The following HEATR4 variants were observed in gnomAD, a reference collection of about 807,000 sequenced individuals.
HEATR4 encodes the protein HEAT repeat-containing protein 4.
A neutral mutation model predicts 108.8 loss-of-function variants in HEATR4; 95 were observed. That is an observed-to-expected ratio of 0.87 (90% CI 0.74 to 1.04). The LOEUF is 1.04. Among genes scored for constraint, HEATR4 ranks in the 50% least tolerant of loss-of-function variants. The pLI is 0.00. For synonymous variants in HEATR4, 443 were observed against 459.4 expected (o/e 0.96, Z 0.46); for missense variants, 1,152 against 1,253.8 (o/e 0.92, Z 1.23).
At chr14:73,495,047 G>A (rs1595088518) in intron 16 of HEATR4, among the ~76,000 whole-genome samples, 181 bp downstream of exon 16, 1 of 117,952 alleles carries the variant, frequency 8.5e-6, no homozygotes, top group Non-Finnish European at 1.8e-5. Context: ...ATAAAAACCC[G>A]AGAAACAAAC....
At chr14:73,527,961 C>CAAA (rs34109465) in intron 2 of HEATR4, among the ~76,000 whole-genome samples, 14 of 52,682 alleles carry the variant, frequency 2.7e-4, no homozygotes, top group African/African-American at 3.6e-4. Flanking sequence ...AACTCCATCT[C>CAAA]AAAAAAAAAA....
rs1314199436 is a variant in HEATR4 at position 73,543,365 on chromosome 14, GACC to G, written c.-151-13124_-151-13122del. On this transcript the variant is annotated intron_variant, in intron 1 of 17. Coordinates refer to ENST00000553558, the MANE Select transcript of HEATR4 (RefSeq NM_001220484.1). Reference sequence around the variant, plus strand: ...CTTCCTGTTCCTGGTAGGTCAGGATGACCACAACTGGAAGAGTGAGTTCTATGC... The same window carrying G: ...CTTCCTGTTCCTGGTAGGTCAGGATGACAACTGGAAGAGTGAGTTCTATGC... 4.2e-6 allele frequency: 6 copies of G among 1,432,052 alleles called. No individual in the cohort carries two copies. The Admixed American group carries it at 7.4e-5, about 18-fold the overall frequency. The allele number at this position is 1,432,052 out of a possible 1,614,324, so 88.7% of individuals were successfully genotyped here.
the HEATR4 span, among the ~76,000 whole-genome samples, chr14:73,621,772 T>C: frequency 1.4e-4 from 21 of 144,892 alleles, no homozygotes; most frequent in Non-Finnish European, 1.4e-4. Flanking sequence ...TTTTTTTTTT[T>C]TTTTTTTTTT....
Position 73,542,307 on chromosome 14 carries a change from C to CAGTT in HEATR4, c.-151-12067_-151-12064dup, listed in dbSNP as rs1299087739. Among the ~76,000 whole-genome samples, 2 of 110,020 alleles carry CAGTT rather than the reference C, an allele frequency of 1.8e-5. 1 individual carries two copies. Among genetic ancestry groups the CAGTT allele is most frequent in the African/African-American group, 6.1e-5 (2 of 32,626 alleles). 72.2% of individuals were successfully genotyped at this position (110,020 alleles called of 152,430 possible). A position where few individuals can be genotyped will look rare whatever the true frequency, so the allele number is the denominator to read the frequency against. ...GCCACCACACCTGGCCTCTTATAGA[C>CAGTT]AGTTTCTATTCAATTCTATATTACT... On this transcript the variant is annotated intron_variant, in intron 1 of 17. Coordinates refer to ENST00000553558, the MANE Select transcript of HEATR4 (RefSeq NM_001220484.1).
intron 5 of HEATR4, among the ~76,000 whole-genome samples, chr14:73,518,094 A>G (rs2140291706): frequency 6.9e-6 from 1 of 144,400 alleles, no homozygotes; most frequent in South Asian, 2.2e-4. Context: ...TCAAAAACAA[A>G]GCCAGGTTGT....
chr14:73,491,786 C>T lies in HEATR4; in HGVS notation c.2844+1280G>A, dbSNP rs1424135344. Reference sequence around the variant, plus strand: ...TTCGATGCTGCGCAACGAGGAGGTGCAGTTCGGCCAGCATTTGGACGCCGC... The same window carrying T: ...TTCGATGCTGCGCAACGAGGAGGTGTAGTTCGGCCAGCATTTGGACGCCGC... On this transcript the variant is annotated intron_variant, in intron 17 of 17. Coordinates refer to ENST00000553558, the MANE Select transcript of HEATR4 (RefSeq NM_001220484.1). The T allele has an allele frequency of 4.4e-6, 7 of 1,582,800 alleles. No homozygotes were observed. The South Asian group carries it at 5.7e-5, about 13-fold the overall frequency.
At chr14:73,620,943 G>A in the HEATR4 span, among the ~76,000 whole-genome samples, 6 of 151,796 alleles carry the variant, frequency 4.0e-5, no homozygotes, top group African/African-American at 1.2e-4. Flanking sequence ...GGTGGCTCAC[G>A]CCTGTAGTCC....
chr14:73,520,966 C>CA lies in HEATR4; in HGVS notation c.954dup (p.Glu319Ter), dbSNP rs1566839613. 1 of 1,613,774 alleles carries CA rather than the reference C, an allele frequency of 6.2e-7. No individual in the cohort carries two copies. The highest frequency in any genetic ancestry group is 8.5e-7 in the Non-Finnish European group (1 of 1,179,990). On this transcript the variant is annotated frameshift_variant, in exon 4 of 18. Transcript: ENST00000553558. LOFTEE classifies it high-confidence loss of function. ...TGGGGCTGGGAGAGGCTCGTCTTTT[C>CA]ATGGATATCCTCAGTGCTCTTGTTG... is the stretch of plus-strand genomic sequence containing the variant.
chr14:73,559,944 AC>A (rs750232073), upstream of HEATR4, among the ~76,000 whole-genome samples: 1 of 151,968 alleles, frequency 6.6e-6, no homozygotes, highest in Non-Finnish European at 1.5e-5. Flanking sequence ...CAGCTCCTCC[AC>A]TGCTACTTAA....
chr14:73,592,375 T>C, the HEATR4 span: 1 of 1,569,552 alleles, frequency 6.4e-7, no homozygotes, highest in Non-Finnish European at 8.6e-7. Context: ...CGCCAGTCGG[T>C]GCGAGCGGGC....
the HEATR4 span, among the ~76,000 whole-genome samples, chr14:73,598,571 A>G: frequency 5.9e-5 from 9 of 151,562 alleles, no homozygotes; most frequent in Non-Finnish European, 1.3e-4. Flanking sequence ...TTGAGCCACT[A>G]TGTAAGAAGT....
the HEATR4 span, among the ~76,000 whole-genome samples, chr14:73,570,329 G>A: frequency 1.3e-5 from 2 of 151,818 alleles, no homozygotes; most frequent in Non-Finnish European, 2.9e-5. Context: ...CAGCACTTTG[G>A]GAAGTCTCGG....
intron 1 of HEATR4, among the ~76,000 whole-genome samples, chr14:73,540,358 G>T (rs1342413110): frequency 7.2e-6 from 1 of 139,074 alleles, no homozygotes; most frequent in Admixed American, 7.6e-5. Context: ...TTAATAAATT[G>T]AGGTATATTT....
intron 2 of HEATR4, among the ~76,000 whole-genome samples, chr14:73,525,681 G>A (rs1462042856): frequency 2.6e-5 from 4 of 152,122 alleles, no homozygotes; most frequent in Admixed American, 1.3e-4. Flanking sequence ...GGCCGGATGC[G>A]GTGGCTCACG....
chr14:73,605,556 C>CTTTTTTTTTTTTTTTTTTTTTTT, the HEATR4 span, among the ~76,000 whole-genome samples: 2 of 56,884 alleles, frequency 3.5e-5, no homozygotes, highest in Non-Finnish European at 7.4e-5. Flanking sequence ...CTGTAAGATT[C>CTTTTTTTTTTTTTTTTTTTTTTT]TTTTTTTTTT....
the HEATR4 span, chr14:73,595,626 C>T: frequency 6.5e-7 from 1 of 1,529,530 alleles, no homozygotes; most frequent in Non-Finnish European, 8.8e-7. Flanking sequence ...CTGGGAGGTA[C>T]CCAGAAAACA....
chr14:73,506,700 G>T, intron 9 of HEATR4, 129 bp from the exon 10 acceptor site: 1 of 572,060 alleles, frequency 1.7e-6, no homozygotes. Context: ...GATGGGGCAT[G>T]TTTCCATCAC....
chr14:73,483,469 T>G (rs1885330533), intron 17 of HEATR4, among the ~76,000 whole-genome samples: 1 of 152,184 alleles, frequency 6.6e-6, no homozygotes, highest in South Asian at 2.1e-4. Context: ...GTGATCCTCC[T>G]GTCTCTGGCC....
chr14:73,593,934 C>T, the HEATR4 span: 1 of 1,571,730 alleles, frequency 6.4e-7, no homozygotes, highest in Non-Finnish European at 8.7e-7. Flanking sequence ...TTTAATCAGT[C>T]TCTCTAGAAA....
Sources: gnomAD v4.1 joint callset for allele counts (sites outside exome capture counted in the v4.1 genomes callset) on GRCh38, gnomAD v4.1.1 for gene constraint, MANE v1.5 for transcripts, NCBI Gene and HGNC (gene_info 2026-07-23, HGNC 2026-07-21) for gene names.